Variants in AGBL4 observed in about 807,000 individuals in gnomAD.
AGBL4 encodes AGBL carboxypeptidase 4.
AGBL4 carries 58 observed loss-of-function variants against 66.4 expected under a neutral mutation model. That is an observed-to-expected ratio of 0.87 (90% confidence interval 0.71 to 1.09). The LOEUF is 1.09. Ranked by LOEUF, AGBL4 falls within the 50% of genes least tolerant of loss-of-function variation. AGBL4 has a pLI of 0.00. For missense variants in AGBL4, 579 were observed against 631.0 expected, an observed-to-expected ratio of 0.92 and a Z score of 0.88; for synonymous variants, 234 against 222.9, an observed-to-expected ratio of 1.05 and a Z score of -0.44.
At chr1:49,388,433 A>G (rs1212358049) in intron 3 of AGBL4, among the ~76,000 whole-genome samples, 2 of 152,150 alleles carry the variant, frequency 1.3e-5, no homozygotes, top group East Asian at 1.9e-4. Context: ...TTTCTAAAGC[A>G]TATTACTTAT....
chr1:48,639,296 T>C (rs1042253399), intron 8 of AGBL4, among the ~76,000 whole-genome samples: 2 of 152,204 alleles, frequency 1.3e-5, no homozygotes, highest in Non-Finnish European at 2.9e-5. Context: ...TGGCACTCAA[T>C]CTATCAGTAG....
At chr1:49,937,878 CCACAAGAGAAAGCAGGAAAGAT>C (rs1557598208) in intron 1 of AGBL4, among the ~76,000 whole-genome samples, 1 of 151,988 alleles carries the variant, frequency 6.6e-6, no homozygotes, top group Non-Finnish European at 1.5e-5. Context: ...CACTAAATCC[CCACAAGAGAAAGCAGGAAAGAT>C]CCAAAATTGA....
intron 6 of AGBL4, among the ~76,000 whole-genome samples, chr1:48,689,997 A>G (rs910589456): frequency 6.6e-5 from 10 of 152,230 alleles, no homozygotes; most frequent in African/African-American, 2.4e-4. Context: ...GAGTGGTTGC[A>G]TGGGCTGCAC....
chr1:49,693,080 G>T (rs1426666037), intron 3 of AGBL4, among the ~76,000 whole-genome samples: 1 of 151,956 alleles, frequency 6.6e-6, no homozygotes, highest in Non-Finnish European at 1.5e-5. Flanking sequence ...AAACAAGTGA[G>T]GAAAAAGTAA....
intron 6 of AGBL4, among the ~76,000 whole-genome samples, chr1:48,837,122 A>T (rs1007702166): frequency 6.6e-6 from 1 of 151,288 alleles, no homozygotes; most frequent in Non-Finnish European, 1.5e-5. Context: ...TATGAAGGAA[A>T]ATCAATAGGA....
chr1:49,426,996 A>G lies in AGBL4; in HGVS notation c.283-181132T>C, dbSNP rs921115301. Among the ~76,000 whole-genome samples the G allele has an allele frequency of 7.2e-5, 11 of 152,330 alleles. No individual in the cohort carries two copies. In the East Asian group the frequency reaches 1.9e-3, roughly 27 times the overall value. On this transcript the variant is annotated intron_variant, in intron 3 of 13. Transcript: ENST00000371839. The stretch of plus-strand genomic sequence containing the variant: ...TGCTGTATTGTGCAAGGCCAGAAGG[A>G]CACACAACTTTCCTCTCGTGAGCTT...
At chr1:48,858,678 G>A (rs1647249203) in intron 6 of AGBL4, among the ~76,000 whole-genome samples, 1 of 152,164 alleles carries the variant, frequency 6.6e-6, no homozygotes, top group Non-Finnish European at 1.5e-5. Flanking sequence ...GTCAGGAAAA[G>A]GAGAAATTGA....
intron 5 of AGBL4, among the ~76,000 whole-genome samples, chr1:48,910,487 C>T (rs974440769): frequency 6.6e-6 from 1 of 152,150 alleles, no homozygotes; most frequent in Non-Finnish European, 1.5e-5. Flanking sequence ...AGTCTTTCCA[C>T]ATCACCCAGA....
intron 3 of AGBL4, among the ~76,000 whole-genome samples, chr1:49,251,379 CA>C: frequency 1.3e-5 from 2 of 152,170 alleles, no homozygotes; most frequent in African/African-American, 4.8e-5. Flanking sequence ...TGCTCATAGC[CA>C]TTGCAAATGG....
At chr1:49,558,297 G>A (rs972533865) in intron 3 of AGBL4, among the ~76,000 whole-genome samples, 4 of 152,116 alleles carry the variant, frequency 2.6e-5, no homozygotes, top group Non-Finnish European at 4.4e-5. Flanking sequence ...AATGGCCACA[G>A]TGTGTCAGAG....
At chr1:48,791,167 T>C (rs1245601853) in intron 6 of AGBL4, among the ~76,000 whole-genome samples, 3 of 152,222 alleles carry the variant, frequency 2.0e-5, no homozygotes, top group African/African-American at 7.2e-5. Context: ...GTGGGCCTTA[T>C]CGCTGTCCTC....
intron 1 of AGBL4, among the ~76,000 whole-genome samples, chr1:49,913,771 A>G (rs1017023389): frequency 1.1e-4 from 16 of 152,346 alleles, no homozygotes; most frequent in Admixed American, 6.5e-4. Flanking sequence ...GGATGACACC[A>G]AGGTTTATGG....
At position 49,364,227 on chromosome 1, in the gene AGBL4, A is replaced by G. The variant is rs1012304615; in HGVS notation, c.283-118363T>C. Among the ~76,000 whole-genome samples the G allele has an allele frequency of 3.9e-5, 6 of 152,312 alleles. No individual in the cohort carries two copies. In the East Asian group the frequency reaches 1.2e-3, roughly 29 times the overall value. On this transcript the variant is annotated intron_variant, in intron 3 of 13. Transcript: ENST00000371839. Reference sequence around the variant, plus strand: ...CTCTATTTAAAAATACATTTAGTGTATATGCTTAATGCTTGTCCATATAGT... The same window carrying G: ...CTCTATTTAAAAATACATTTAGTGTGTATGCTTAATGCTTGTCCATATAGT...
chr1:49,776,519 C>T (rs1644201643), intron 2 of AGBL4, among the ~76,000 whole-genome samples: 1 of 152,148 alleles, frequency 6.6e-6, no homozygotes, highest in Non-Finnish European at 1.5e-5. Context: ...TCTTAGTCTA[C>T]TGTTCCCTTA....
intron 4 of AGBL4, among the ~76,000 whole-genome samples, chr1:49,074,158 T>C (rs1644665518): frequency 6.6e-6 from 1 of 152,126 alleles, no homozygotes; most frequent in Admixed American, 6.5e-5. Flanking sequence ...GCCAATGGGA[T>C]CTTAACTTGC....
chr1:49,061,626 C>T (rs907836938), intron 4 of AGBL4, among the ~76,000 whole-genome samples: 4 of 152,152 alleles, frequency 2.6e-5, no homozygotes, highest in Non-Finnish European at 4.4e-5. Flanking sequence ...CAACAAGCAT[C>T]AGATTATCAA....
chr1:49,544,430 TTC>T (rs1652316936), intron 3 of AGBL4, among the ~76,000 whole-genome samples: 3 of 152,240 alleles, frequency 2.0e-5, no homozygotes, highest in Admixed American at 6.5e-5. Flanking sequence ...TTGTATATTC[TTC>T]TGTTATTGAG....
At chr1:49,564,391 G>A (rs1310115946) in intron 3 of AGBL4, among the ~76,000 whole-genome samples, 1 of 152,006 alleles carries the variant, frequency 6.6e-6, no homozygotes, top group African/African-American at 2.4e-5. Context: ...TCTTTTAATT[G>A]TGATGTTAGG....
intron 4 of AGBL4, among the ~76,000 whole-genome samples, chr1:49,160,499 G>A (rs1394945591): frequency 6.6e-6 from 1 of 152,154 alleles, no homozygotes; most frequent in Non-Finnish European, 1.5e-5. Flanking sequence ...CCTACTGGGA[G>A]GTGTCTCCCA....
Sources: allele counts gnomAD v4.1 joint callset (sites outside exome capture counted in the v4.1 genomes callset), GRCh38; gene constraint gnomAD v4.1.1; transcripts MANE v1.5; gene names NCBI Gene and HGNC (gene_info 2026-07-23, HGNC 2026-07-21).